Variants in CD8A observed in about 807,000 individuals in gnomAD.
CD8A encodes CD8 subunit alpha.
Under a neutral mutation model 24.2 loss-of-function variants are expected in CD8A, and 25 were observed. The observed-to-expected ratio is 1.03, with a 90% CI of 0.75 to 1.44. The LOEUF is 1.44. CD8A is among the 40% of genes most tolerant of loss of function. CD8A has a pLI of 0.00. For synonymous variants in CD8A, 165 were observed against 149.9 expected (o/e 1.10, Z -0.74); for missense variants, 360 against 319.7 (o/e 1.13, Z -0.96).
At chr2:86,793,400 T>C (rs1673374986), upstream of CD8A, among the ~76,000 whole-genome samples, 1 of 152,138 alleles carries the variant, frequency 6.6e-6, no homozygotes, top group Non-Finnish European at 1.5e-5. Flanking sequence ...TGGTTATAAC[T>C]GGCCTATCGA....
intron 2 of CD8A, among the ~76,000 whole-genome samples, chr2:86,802,954 T>C (rs950607172): frequency 6.6e-6 from 1 of 152,140 alleles, no homozygotes; most frequent in Non-Finnish European, 1.5e-5. Flanking sequence ...ATGAAAAATT[T>C]CCAAAAGTTA....
intron 5 of CD8A, among the ~76,000 whole-genome samples, chr2:86,787,019 C>CAAAAAAAAAAAAAAAAAAAAAAA (rs745778659): frequency 5.5e-5 from 2 of 36,550 alleles, no homozygotes; most frequent in African/African-American, 2.2e-4. Context: ...GACTCCGTCT[C>CAAAAAAAAAAAAAAAAAAAAAAA]AAAAAAAAAA....
chr2:86,804,995 G>A (rs1673797281), intron 2 of CD8A, among the ~76,000 whole-genome samples: 1 of 151,732 alleles, frequency 6.6e-6, no homozygotes, highest in African/African-American at 2.4e-5. Context: ...TAGAGACAGA[G>A]TTTTGCCATG....
At chr2:86,802,600 TTTG>T (rs1573470862) in intron 2 of CD8A, among the ~76,000 whole-genome samples, 1 of 152,098 alleles carries the variant, frequency 6.6e-6, no homozygotes, top group East Asian at 1.9e-4. Context: ...CATAAGTCCA[TTTG>T]TTTTTACTCT....
At chr2:86,788,399 G>T in intron 5 of CD8A, 131 bp downstream of exon 5, 1 of 768,544 alleles carries the variant, frequency 1.3e-6, no homozygotes, top group South Asian at 1.5e-5. Context: ...GGAACTGGCT[G>T]ACTCCCTGCC....
chr2:86,805,052 C>G (rs1673800605), intron 2 of CD8A, among the ~76,000 whole-genome samples: 1 of 151,748 alleles, frequency 6.6e-6, no homozygotes, highest in African/African-American at 2.4e-5. Flanking sequence ...ATCCACCTGC[C>G]TAAGCCTTCC....
rs74597268 is a variant in CD8A, at chr2:86,795,967, T to C, written c.-270-4872A>G. Among the ~76,000 whole-genome samples the C allele has an allele frequency of 1.9e-3, 283 of 152,288 alleles. 1 individual carries two copies. Among genetic ancestry groups the C allele is most frequent in the African/African-American group, 6.4e-3 (266 of 41,562 alleles). On this transcript the variant is annotated intron_variant, in intron 3 of 8. Coordinates refer to the CD8A transcript ENST00000409511. ...AATTCACTTCCAAAAAGAGGCAAAT[T>C]ATTGAACAATTTGAAAAATGTTTAA...
At chr2:86,796,116 C>T (rs1278123196) in intron 3 of CD8A, among the ~76,000 whole-genome samples, 1 of 152,136 alleles carries the variant, frequency 6.6e-6, no homozygotes, top group Non-Finnish European at 1.5e-5. Context: ...CTAGGTTGGA[C>T]ATAGTTGAAG....
intron 3 of CD8A, among the ~76,000 whole-genome samples, chr2:86,797,515 C>T (rs1673521447): frequency 6.6e-6 from 1 of 151,904 alleles, no homozygotes; most frequent in African/African-American, 2.4e-5. Flanking sequence ...TGAGGATGTC[C>T]CACATGTTTG....
chr2:86,800,995 T>C (rs888853201), intron 3 of CD8A, among the ~76,000 whole-genome samples: 5 of 152,000 alleles, frequency 3.3e-5, no homozygotes, highest in Admixed American at 3.3e-4. Context: ...AGAGATGGGG[T>C]GATGTTTCTA....
At chr2:86,803,074 T>A (rs1673726498) in intron 2 of CD8A, among the ~76,000 whole-genome samples, 1 of 152,204 alleles carries the variant, frequency 6.6e-6, no homozygotes, top group South Asian at 2.1e-4. Context: ...TTTTTAAAAA[T>A]CAACATTTAC....
At chr2:86,787,665 G>A (rs1387626930) in intron 5 of CD8A, among the ~76,000 whole-genome samples, 6 of 152,154 alleles carry the variant, frequency 3.9e-5, no homozygotes, top group African/African-American at 1.4e-4. Context: ...GTGCGTTGTA[G>A]GCTTTCATCA....
chr2:86,789,895 C>T (rs1342002022), intron 2 of CD8A, 145 bp from the exon 3 acceptor site: 10 of 565,676 alleles, frequency 1.8e-5, no homozygotes, highest in South Asian at 5.6e-5. Flanking sequence ...GATGGGGACC[C>T]CGGGATGCGC....
chr2:86,798,730 C>T (rs1249423339), intron 3 of CD8A, among the ~76,000 whole-genome samples: 1 of 151,828 alleles, frequency 6.6e-6, no homozygotes, highest in Non-Finnish European at 1.5e-5. Flanking sequence ...ACTATGTTGG[C>T]CAGGCTGGTT....
At chr2:86,806,610 T>A (rs551014735) in intron 2 of CD8A, among the ~76,000 whole-genome samples, 30 of 152,328 alleles carry the variant, frequency 2.0e-4, no homozygotes, top group Admixed American at 7.8e-4. Flanking sequence ...GCGGGGCACG[T>A]TGGCTCACGC....
intron 3 of CD8A, among the ~76,000 whole-genome samples, chr2:86,800,414 A>T (rs551252591): frequency 5.3e-5 from 8 of 150,314 alleles, no homozygotes; most frequent in African/African-American, 2.0e-4. Flanking sequence ...GTGAGCCGAG[A>T]TCACACCACT....
chr2:86,806,029 T>C (rs181773916), intron 2 of CD8A, among the ~76,000 whole-genome samples: 19 of 152,252 alleles, frequency 1.2e-4, no homozygotes, highest in African/African-American at 4.6e-4. Context: ...TTACCCAAAA[T>C]AGAAACCTTA....
At position 86,802,635 on chromosome 2, in the gene CD8A, T is replaced by C. The variant is rs183774889; in HGVS notation, c.-417-978A>G. 2.0e-4 allele frequency among the ~76,000 whole-genome samples: 30 copies of C among 152,294 alleles called. No homozygotes were observed. In the Middle Eastern group the frequency reaches 0.014, roughly 69 times the overall value. On this transcript the variant is annotated intron_variant, in intron 2 of 8. Transcript: ENST00000409511. ...CTCTTTATTTTTTTGAGACAGAGTC[T>C]CACTCTGCCGCCCAGGCTGGACCGC...
Position 86,787,241 on chromosome 2 carries a change from C to A in CD8A, c.657-1270G>T, listed in dbSNP as rs1466172766. ...CGGATTATAGGCATGCACCACAATA[C>A]CCGGCTCATTTTCAAAGTCTTTATC... On this transcript the variant is annotated intron_variant, in intron 5 of 5. Coordinates refer to ENST00000283635, the MANE Select transcript of CD8A (RefSeq NM_001768.7). 5.3e-5 allele frequency among the ~76,000 whole-genome samples: 8 copies of A among 151,622 alleles called. No homozygotes were observed. The East Asian group carries it at 1.6e-3, about 30-fold the overall frequency.
Sources: gnomAD v4.1 joint callset for allele counts (sites outside exome capture counted in the v4.1 genomes callset) on GRCh38, gnomAD v4.1.1 for gene constraint, MANE v1.5 for transcripts, NCBI Gene and HGNC (gene_info 2026-07-23, HGNC 2026-07-21) for gene names.